ATP8A2: variants seen among roughly 807,000 people sequenced by gnomAD.
The protein encoded by ATP8A2 is phospholipid-transporting ATPase IB.
ATP8A2 carries 100 observed loss-of-function variants against 165.6 expected under a neutral mutation model. The ratio of observed to expected loss-of-function variants is 0.60; its 90% CI spans 0.51 to 0.71. The LOEUF (loss-of-function observed/expected upper bound fraction) is 0.71, where lower values mean the gene tolerates loss of function less well. ATP8A2 is among the 30% of genes least tolerant of loss of function. The probability of loss-of-function intolerance (pLI) is 0.00; values close to 1 mark genes in which losing one functional copy is unlikely to be tolerated. For missense variants in ATP8A2, 1,227 were observed against 1,479.5 expected (o/e 0.83, Z 2.80); for synonymous variants, 543 against 548.8 (o/e 0.99, Z 0.15).
intron 35 of ATP8A2, among the ~76,000 whole-genome samples, chr13:25,969,374 G>A (rs541597328): frequency 6.6e-6 from 1 of 152,288 alleles, no homozygotes; most frequent in South Asian, 2.1e-4. Context: ...CTTTGGGCCT[G>A]AGAACAATTT....
chr13:25,417,278 C>T (rs1291867941), intron 1 of ATP8A2, among the ~76,000 whole-genome samples: 1 of 151,986 alleles, frequency 6.6e-6, no homozygotes, highest in African/African-American at 2.4e-5. Context: ...GAGTCCCCAC[C>T]TTCTACAAAG....
intron 24 of ATP8A2, among the ~76,000 whole-genome samples, chr13:25,615,150 A>G (rs1384260864): frequency 6.6e-6 from 1 of 152,170 alleles, no homozygotes; most frequent in Non-Finnish European, 1.5e-5. Context: ...GAGAAAGACC[A>G]TCAGGTGAGG....
intron 27 of ATP8A2, among the ~76,000 whole-genome samples, chr13:25,799,403 C>T (rs1950570538): frequency 6.6e-6 from 1 of 152,166 alleles, no homozygotes; most frequent in African/African-American, 2.4e-5. Context: ...TTTTTAGGTT[C>T]CCTTAAATCA....
chr13:25,839,633 TGTG>T lies in ATP8A2; in HGVS notation c.2956+10_2956+12del. On this transcript the variant is annotated intron_variant, in intron 30 of 36. Coordinates refer to ENST00000381655, the MANE Select transcript of ATP8A2 (RefSeq NM_016529.6). ...GAAAGCTCTGGAGCATGGTAAGGGC[TGTG>T]TGATTTCACCTGTCAGCAAGGAGCT... 1 of 1,611,866 alleles carries T rather than the reference TGTG, an allele frequency of 6.2e-7. No individual in the cohort carries two copies. The highest frequency in any genetic ancestry group is 1.1e-5 in the South Asian group (1 of 91,032).
At chr13:25,662,632 CAT>C (rs1475628911) in intron 24 of ATP8A2, among the ~76,000 whole-genome samples, 1 of 152,084 alleles carries the variant, frequency 6.6e-6, no homozygotes. Flanking sequence ...TTCAGGGAAA[CAT>C]AAATTCATAA....
At chr13:25,435,639 G>A (rs531329116) in intron 1 of ATP8A2, among the ~76,000 whole-genome samples, 3 of 151,968 alleles carry the variant, frequency 2.0e-5, no homozygotes, top group African/African-American at 7.2e-5. Flanking sequence ...TTTACGTGTT[G>A]TTCTTTTTCT....
chr13:25,836,744 A>C (rs180990922), intron 28 of ATP8A2, among the ~76,000 whole-genome samples: 1 of 152,300 alleles, frequency 6.6e-6, no homozygotes, highest in African/African-American at 2.4e-5. Context: ...TGAATGAATA[A>C]ATGGATGAAG....
At chr13:25,731,698 G>T (rs1718685440) in intron 25 of ATP8A2, among the ~76,000 whole-genome samples, 1 of 152,132 alleles carries the variant, frequency 6.6e-6, no homozygotes. Flanking sequence ...CACCCTCTTG[G>T]TTAAAAAAAT....
At chr13:25,809,003 A>G (rs1950803907) in intron 27 of ATP8A2, among the ~76,000 whole-genome samples, 1 of 152,226 alleles carries the variant, frequency 6.6e-6, no homozygotes, top group African/African-American at 2.4e-5. Context: ...TGAAGGACAC[A>G]TGCACTTTTT....
intron 34 of ATP8A2, among the ~76,000 whole-genome samples, chr13:25,964,868 A>G (rs1955743381): frequency 6.6e-6 from 1 of 152,160 alleles, no homozygotes; most frequent in African/African-American, 2.4e-5. Flanking sequence ...CTCTTTTGAA[A>G]GGGCTTTTAG....
At chr13:25,757,503 ATGTGTGTG>A (rs113178441) in intron 25 of ATP8A2, among the ~76,000 whole-genome samples, 7 of 150,544 alleles carry the variant, frequency 4.6e-5, no homozygotes, top group Admixed American at 4.6e-4. Flanking sequence ...ACGATATACT[ATGTGTGTG>A]TGTGTGTGTG....
intron 35 of ATP8A2, among the ~76,000 whole-genome samples, chr13:26,009,112 T>C (rs1956794785): frequency 6.6e-6 from 1 of 152,228 alleles, no homozygotes; most frequent in South Asian, 2.1e-4. Context: ...AAGGAATTTA[T>C]ATTTAAGACT....
chr13:25,539,919 G>C (rs79582208), intron 7 of ATP8A2, among the ~76,000 whole-genome samples: 30 of 152,180 alleles, frequency 2.0e-4, no homozygotes, highest in Middle Eastern at 3.2e-3. Flanking sequence ...TTCAAAAAAT[G>C]TGTGTTTCTA....
chr13:25,891,813 A>G (rs1348893249), intron 33 of ATP8A2, among the ~76,000 whole-genome samples: 2 of 152,176 alleles, frequency 1.3e-5, no homozygotes, highest in Non-Finnish European at 2.9e-5. Flanking sequence ...AAGGACAAAA[A>G]GCAGGCCAAA....
intron 24 of ATP8A2, among the ~76,000 whole-genome samples, chr13:25,662,421 A>C (rs1047992642): frequency 6.6e-6 from 1 of 152,206 alleles, no homozygotes; most frequent in Non-Finnish European, 1.5e-5. Flanking sequence ...GACTGATTCT[A>C]TATGGGATTC....
chr13:25,541,956 T>G lies in ATP8A2; in HGVS notation c.689T>G (p.Val230Gly), dbSNP rs1444634261. The part of the protein sequence containing the change: ...SHTADMQTRE[V>G]LMKLSGTIEC... ...ACTGCTGACATGCAAACACGTGAAG[T>G]TCTGATGAAGTTATCTGGAACTATA... The change falls in exon 9 of 37, where the codon GTT (valine) becomes GGT (glycine). Residue 230 changes from valine to glycine, a missense_variant. Coordinates refer to ENST00000381655, the MANE Select transcript of ATP8A2 (RefSeq NM_016529.6). The G allele has an allele frequency of 6.2e-7, 1 of 1,614,120 alleles. No homozygotes were observed.
intron 24 of ATP8A2, among the ~76,000 whole-genome samples, chr13:25,606,430 G>GT (rs1454010679): frequency 6.6e-6 from 1 of 152,188 alleles, no homozygotes; most frequent in Non-Finnish European, 1.5e-5. Context: ...TACTCTATAA[G>GT]TTGGAACATG....
At chr13:25,464,880 A>T (rs1234766637) in intron 1 of ATP8A2, among the ~76,000 whole-genome samples, 1 of 152,230 alleles carries the variant, frequency 6.6e-6, no homozygotes, top group Non-Finnish European at 1.5e-5. Context: ...CTATCCAGGG[A>T]TAGAGCTATG....
At chr13:25,690,132 T>G (rs900344197) in intron 24 of ATP8A2, among the ~76,000 whole-genome samples, 33 of 151,742 alleles carry the variant, frequency 2.2e-4, no homozygotes, top group Non-Finnish European at 4.0e-4. Flanking sequence ...TTTCAGAGTT[T>G]TTTTTTTTTT....
Sources: gnomAD v4.1 joint callset for allele counts (sites outside exome capture counted in the v4.1 genomes callset) on GRCh38, gnomAD v4.1.1 for gene constraint, MANE v1.5 for transcripts, NCBI Gene and HGNC (gene_info 2026-07-23, HGNC 2026-07-21) for gene names.